SELP: variants seen among roughly 807,000 people sequenced by gnomAD.
SELP encodes P-selectin.
In SELP, 92 loss-of-function variants were observed where a neutral mutation model predicts 104.1. That is an observed-to-expected ratio of 0.88 (90% CI 0.75 to 1.05). The LOEUF is 1.05. Ranked by LOEUF, SELP falls within the 50% of genes least tolerant of loss-of-function variation. The pLI, the probability that SELP is intolerant of heterozygous loss-of-function variation, is 0.00. For synonymous variants in SELP, 397 were observed against 364.5 expected (o/e 1.09, Z -1.01); for missense variants, 1,022 against 1,017.3 (o/e 1.00, Z -0.06).
At chr1:169,589,911 T>C (rs1243535300) in intron 16 of SELP, among the ~76,000 whole-genome samples, 1 of 152,230 alleles carries the variant, frequency 6.6e-6, no homozygotes, top group African/African-American at 2.4e-5. Flanking sequence ...CTGAAATAAG[T>C]TATGTCTTGT....
chr1:169,590,815 A>T (rs1267408936), intron 15 of SELP, among the ~76,000 whole-genome samples: 1 of 135,388 alleles, frequency 7.4e-6, no homozygotes, highest in African/African-American at 2.5e-5. Flanking sequence ...TAGATTATAA[A>T]TAGCAAGGGG....
At chr1:169,611,133 C>T (rs1355794032) in intron 7 of SELP, among the ~76,000 whole-genome samples, 1 of 152,150 alleles carries the variant, frequency 6.6e-6, no homozygotes, top group Non-Finnish European at 1.5e-5. Context: ...TCAAAGGCTA[C>T]CCTCAAAGAC....
At position 169,612,938 on chromosome 1, in the gene SELP, G is replaced by C. The variant is rs1662619469; in HGVS notation, c.766C>G (p.Gln256Glu). ...ASGIWTNKPP[Q>E]CLAAQCPPLK... ...AATAAGGTCTACATACCTAAACACT[G>C]TGGAGGCTTATTTGTCCAGATTCCA... The change falls in exon 5 of 17, where the codon CAG (glutamine) becomes GAG (glutamate). Residue 256 changes from glutamine to glutamate, a missense_variant. Coordinates refer to ENST00000263686, the MANE Select transcript of SELP (RefSeq NM_003005.4). 1 of 1,610,960 alleles carries C rather than the reference G, an allele frequency of 6.2e-7. No individual in the cohort carries two copies. The highest frequency in any genetic ancestry group is 8.5e-7 in the Non-Finnish European group (1 of 1,178,008).
At chr1:169,616,954 G>GTCGCC in intron 3 of SELP, 74 bp downstream of exon 3, 3 of 1,472,558 alleles carry the variant, frequency 2.0e-6, no homozygotes, top group Non-Finnish European at 1.8e-6. Context: ...TGACTCGGTG[G>GTCGCC]TTATGTTGGC....
chr1:169,603,011 A>G lies in SELP; in HGVS notation c.1705+15T>C, dbSNP rs770872778. The G allele has an allele frequency of 6.2e-7, 1 of 1,600,686 alleles. No homozygotes were observed. The highest frequency in any genetic ancestry group is 8.5e-7 in the Non-Finnish European group (1 of 1,170,302). ...CATCTTTAAAGCCATAAGAAAGGAC[A>G]GACCCACAGCCTACCTTCACACATT... On this transcript the variant is annotated intron_variant, in intron 10 of 16. Coordinates refer to ENST00000263686, the MANE Select transcript of SELP (RefSeq NM_003005.4).
intron 1 of SELP, among the ~76,000 whole-genome samples, chr1:169,623,885 G>A (rs371929829): frequency 2.0e-5 from 3 of 152,170 alleles, no homozygotes; most frequent in Non-Finnish European, 4.4e-5. Flanking sequence ...ATTTGCCCAA[G>A]CTTGCTCACA....
Position 169,607,062 on chromosome 1 carries a change from C to T in SELP, c.1406G>A (p.Arg469Lys), listed in dbSNP as rs369293125. The T allele has an allele frequency of 6.2e-7, 1 of 1,613,234 alleles. No individual in the cohort carries two copies. Among genetic ancestry groups the T allele is most frequent in the African/African-American group, 1.3e-5 (1 of 74,826 alleles). ...GGTGAAGCTGCAGACTGACTGGTAC[C>T]TAAAGGCACCGAAGGGGTGGGAGCA... Reference protein sequence around the residue: ...VNCSHPFGAFRYQSVCSFTCN... With the variant: ...VNCSHPFGAFKYQSVCSFTCN... The change falls in exon 9 of 17, where the codon AGG becomes AAG. Residue 469 changes from arginine (R) to lysine (K), a missense_variant. By Grantham distance (26) the Arg-to-Lys change is conservative. Transcript: ENST00000263686.
At chr1:169,627,765 A>G (rs1663443418) in intron 1 of SELP, among the ~76,000 whole-genome samples, 1 of 152,214 alleles carries the variant, frequency 6.6e-6, no homozygotes, top group Admixed American at 6.5e-5. Flanking sequence ...AGCCCAGGAG[A>G]GTCTGAACTA....
Position 169,593,530 on chromosome 1 carries a change from C to T in SELP, c.2407+75G>A, listed in dbSNP as rs192418548. Reference sequence around the variant, plus strand: ...ACTGAAGTTGTGGTTTTTGCCTCCCCACCCTAAATTACATAAATCAATTTC... The same window carrying T: ...ACTGAAGTTGTGGTTTTTGCCTCCCTACCCTAAATTACATAAATCAATTTC... On this transcript the variant is annotated intron_variant, in intron 14 of 16. Transcript: ENST00000263686. The T allele has an allele frequency of 1.4e-3, 1,869 of 1,377,736 alleles. 4 individuals are homozygous for T. The highest frequency in any genetic ancestry group is 1.9e-3 in the Middle Eastern group (10 of 5,404). The allele number at this position is 1,377,736 out of a possible 1,614,324, so 85.3% of individuals were successfully genotyped here.
chr1:169,590,859 A>T (rs957881583), intron 15 of SELP, among the ~76,000 whole-genome samples: 1 of 152,236 alleles, frequency 6.6e-6, no homozygotes, highest in African/African-American at 2.4e-5. Context: ...AACATCCCAC[A>T]TAACTTTGGA....
At chr1:169,610,078 G>T (rs571845627) in intron 7 of SELP, among the ~76,000 whole-genome samples, 15 of 152,146 alleles carry the variant, frequency 9.9e-5, no homozygotes, top group Non-Finnish European at 1.8e-4. Flanking sequence ...TTCTGGAGCT[G>T]AGCAGAGTGT....
intron 16 of SELP, among the ~76,000 whole-genome samples, chr1:169,589,854 G>A (rs953035816): frequency 6.6e-6 from 1 of 152,142 alleles, no homozygotes; most frequent in African/African-American, 2.4e-5. Flanking sequence ...TGCAGGCAAG[G>A]CCACATCATC....
Position 169,596,115 on chromosome 1 carries a change from A to C in SELP, c.1911T>G (p.Thr637=). Reference sequence around the variant, plus strand: ...TGAGGGCTGGACATTGCACCCCTGGAGTAGGAAGTGATGCTATGCCTGTTG... The same window carrying C: ...TGAGGGCTGGACATTGCACCCCTGGCGTAGGAAGTGATGCTATGCCTGTTG... The part of the protein sequence containing the change: ...PTCKGIASLP[T]PGVQCPALTT... The change falls in exon 12 of 17, where the codon ACT becomes ACG. Residue 637 remains threonine, a synonymous_variant. Transcript: ENST00000263686. 6.2e-7 allele frequency: 1 copy of C among 1,613,660 alleles called. No individual in the cohort carries two copies. The highest frequency in any genetic ancestry group is 8.5e-7 in the Non-Finnish European group (1 of 1,179,710).
At chr1:169,612,432 G>A in intron 5 of SELP, 30 bp from the exon 6 acceptor site, 1 of 1,606,100 alleles carries the variant, frequency 6.2e-7, no homozygotes, top group Non-Finnish European at 8.5e-7. Context: ...AATAGTGTGA[G>A]TCCTTGGACA....
At chr1:169,594,438 T>A (rs1211434887) in intron 13 of SELP, among the ~76,000 whole-genome samples, 3 of 152,164 alleles carry the variant, frequency 2.0e-5, no homozygotes, top group Non-Finnish European at 4.4e-5. Context: ...ACAGAGATTA[T>A]AACGAAGCAA....
chr1:169,602,983 T>A (rs1340063357), intron 10 of SELP, 43 bp downstream of exon 10: 1 of 1,504,090 alleles, frequency 6.6e-7, no homozygotes. Context: ...CATTCTCTGA[T>A]GTCATCTTTA....
intron 10 of SELP, 110 bp from the exon 11 acceptor site, chr1:169,597,286 T>C: frequency 1.0e-6 from 1 of 964,692 alleles, no homozygotes; most frequent in Non-Finnish European, 1.5e-6. Flanking sequence ...AGCACCTATA[T>C]TCCAGGTATT....
chr1:169,604,003 C>T (rs531892974), intron 9 of SELP, among the ~76,000 whole-genome samples: 219 of 152,302 alleles, frequency 1.4e-3, no homozygotes, highest in Non-Finnish European at 2.5e-3. Flanking sequence ...ATTTCTAGTT[C>T]CAGATCCCTG....
chr1:169,600,248 A>C (rs1661833154), intron 10 of SELP, among the ~76,000 whole-genome samples: 1 of 152,220 alleles, frequency 6.6e-6, no homozygotes, highest in African/African-American at 2.4e-5. Flanking sequence ...AAATTATATA[A>C]AGTTCCAAAA....
Sources: allele counts gnomAD v4.1 joint callset (sites outside exome capture counted in the v4.1 genomes callset), GRCh38; gene constraint gnomAD v4.1.1; transcripts MANE v1.5; gene names NCBI Gene and HGNC (gene_info 2026-07-23, HGNC 2026-07-21).